The following SLC25A26 variants were observed in gnomAD, a reference collection of about 807,000 sequenced individuals.
SLC25A26 encodes the protein solute carrier family 25 member 26.
SLC25A26 carries 36 observed loss-of-function variants against 37.8 expected under a neutral mutation model. The ratio of observed to expected loss-of-function variants is 0.95; its 90% CI spans 0.73 to 1.26. SLC25A26 has a LOEUF of 1.26. Ranked by LOEUF, SLC25A26 falls within the 50% of genes most tolerant of loss-of-function variation. The pLI is 0.00. For missense variants in SLC25A26, 390 were observed against 331.1 expected, an observed-to-expected ratio of 1.18 and a Z score of -1.38; for synonymous variants, 129 against 122.5, an observed-to-expected ratio of 1.05 and a Z score of -0.35.
intron 5 of SLC25A26, among the ~76,000 whole-genome samples, chr3:66,286,664 C>A (rs748163633): frequency 4.1e-4 from 62 of 152,004 alleles, no homozygotes; most frequent in Non-Finnish European, 6.9e-4. Flanking sequence ...TGAGACCTTT[C>A]CCTTCGTTTT....
At chr3:66,323,204 G>A (rs1202601655) in intron 5 of SLC25A26, among the ~76,000 whole-genome samples, 4 of 152,134 alleles carry the variant, frequency 2.6e-5, no homozygotes. Context: ...AGGGGTGATG[G>A]AAGAGAGAGG....
chr3:66,202,478 T>C (rs931518484), intron 1 of SLC25A26, among the ~76,000 whole-genome samples: 4 of 146,598 alleles, frequency 2.7e-5, no homozygotes, highest in Non-Finnish European at 4.4e-5. Flanking sequence ...TGTGTATACC[T>C]ATGTAACAAA....
intron 1 of SLC25A26, among the ~76,000 whole-genome samples, chr3:66,135,059 G>A (rs910861701): frequency 6.6e-6 from 1 of 152,062 alleles, no homozygotes; most frequent in African/African-American, 2.4e-5. Flanking sequence ...TCGAACTCCT[G>A]ACCCCAGGTG....
At chr3:66,295,024 A>T (rs186373112) in intron 5 of SLC25A26, among the ~76,000 whole-genome samples, 83 of 152,322 alleles carry the variant, frequency 5.4e-4, no homozygotes, top group Admixed American at 1.6e-3. Context: ...ACGTATGCTG[A>T]ATCTCATAAA....
intron 1 of SLC25A26, among the ~76,000 whole-genome samples, chr3:66,215,122 AAAAC>A (rs1210967936): frequency 3.0e-4 from 46 of 152,324 alleles, no homozygotes; most frequent in African/African-American, 8.9e-4. Flanking sequence ...CTCTGTCTCA[AAAAC>A]AAACAAACAA....
intron 1 of SLC25A26, among the ~76,000 whole-genome samples, chr3:66,164,558 A>G (rs191800819): frequency 6.6e-6 from 1 of 152,230 alleles, no homozygotes; most frequent in Admixed American, 6.5e-5. Context: ...TTAAACCATT[A>G]AGGGCAAGTT....
chr3:66,210,481 C>A (rs2071269458), intron 1 of SLC25A26, among the ~76,000 whole-genome samples: 1 of 151,812 alleles, frequency 6.6e-6, no homozygotes, highest in Admixed American at 6.6e-5. Context: ...TTGGCATATG[C>A]AAATGTCCTG....
chr3:66,268,948 C>G (rs1221482711), intron 5 of SLC25A26, among the ~76,000 whole-genome samples: 1 of 152,224 alleles, frequency 6.6e-6, no homozygotes, highest in African/African-American at 2.4e-5. Flanking sequence ...CCCAGCCATG[C>G]AAACTGTGAG....
intron 1 of SLC25A26, among the ~76,000 whole-genome samples, chr3:66,185,798 C>G (rs989213306): frequency 6.6e-6 from 1 of 151,858 alleles, no homozygotes; most frequent in Non-Finnish European, 1.5e-5. Flanking sequence ...ACTCTCACCT[C>G]TCTTTGACCA....
In SLC25A26 at chr3:66,162,058, A is replaced by G. The variant is rs534422160; in HGVS notation, c.-354+28074A>G. 9.2e-5 allele frequency among the ~76,000 whole-genome samples: 14 copies of G among 152,268 alleles called. No homozygotes were observed. The South Asian group carries it at 2.7e-3, about 29-fold the overall frequency. The stretch of plus-strand genomic sequence containing the variant: ...GAAATTGATTTTCTCACAGTTCTGG[A>G]GCCTAGAAGTCGGAGATCAAGACAT... On this transcript the variant is annotated intron_variant, in intron 1 of 10. Transcript: ENST00000676754.
At chr3:66,233,943 C>G (rs1340039360) in intron 1 of SLC25A26, among the ~76,000 whole-genome samples, 2 of 152,146 alleles carry the variant, frequency 1.3e-5, no homozygotes, top group Non-Finnish European at 2.9e-5. Context: ...TAGCACTTCT[C>G]TGAATTCTCT....
intron 1 of SLC25A26, among the ~76,000 whole-genome samples, chr3:66,158,987 C>A (rs2070320875): frequency 6.6e-6 from 1 of 152,128 alleles, no homozygotes; most frequent in South Asian, 2.1e-4. Flanking sequence ...TGAGGGACAT[C>A]AGCACATCAG....
chr3:66,290,806 T>C (rs1024539373), intron 5 of SLC25A26, among the ~76,000 whole-genome samples: 9 of 152,232 alleles, frequency 5.9e-5, no homozygotes, highest in African/African-American at 2.2e-4. Flanking sequence ...CAGGTTTTGG[T>C]ATCAGGATGA....
upstream of SLC25A26, among the ~76,000 whole-genome samples, chr3:66,217,493 C>T (rs2071378916): frequency 6.6e-6 from 1 of 151,978 alleles, no homozygotes; most frequent in Non-Finnish European, 1.5e-5. Flanking sequence ...ATTTATTCCT[C>T]ATCATCCTGC....
In SLC25A26 at chr3:66,375,049, T is replaced by A. The variant is rs1700566891; in HGVS notation, c.708-2641T>A. Among the ~76,000 whole-genome samples, 3 of 152,298 alleles carry A rather than the reference T, an allele frequency of 2.0e-5. No individual in the cohort carries two copies. In the South Asian group the frequency reaches 6.2e-4, roughly 32 times the overall value. ...GAAATGAAAAGTGCTATCCAGTGAA[T>A]ACACAAATGATAAGTGTAACAGCCT... On this transcript the variant is annotated intron_variant, in intron 9 of 9. Coordinates refer to ENST00000354883, the MANE Select transcript of SLC25A26 (RefSeq NM_001379210.1).
chr3:66,197,314 A>G (rs984193051), intron 1 of SLC25A26, among the ~76,000 whole-genome samples: 4,792 of 152,266 alleles, frequency 0.031, 99 homozygotes, highest in Non-Finnish European at 0.048. Context: ...CATCAGGGAC[A>G]TAGTGACGGA....
intron 1 of SLC25A26, among the ~76,000 whole-genome samples, chr3:66,201,818 A>G (rs1240927777): frequency 6.6e-6 from 1 of 152,208 alleles, no homozygotes; most frequent in Non-Finnish European, 1.5e-5. Context: ...TTTTGCAACC[A>G]TAAGCACCAT....
intron 5 of SLC25A26, among the ~76,000 whole-genome samples, chr3:66,300,290 T>G (rs2075040487): frequency 6.9e-6 from 1 of 145,444 alleles, no homozygotes; most frequent in African/African-American, 2.5e-5. Flanking sequence ...ATACTGGAAT[T>G]TAGCCATTAC....
intron 1 of SLC25A26, among the ~76,000 whole-genome samples, chr3:66,153,295 C>T (rs2106695982): frequency 6.6e-6 from 1 of 152,288 alleles, no homozygotes; most frequent in East Asian, 1.9e-4. Context: ...AGGTTGAGAA[C>T]ACTTGATCTA....
Sources: gnomAD v4.1 joint callset for allele counts (sites outside exome capture counted in the v4.1 genomes callset) on GRCh38, gnomAD v4.1.1 for gene constraint, MANE v1.5 for transcripts, NCBI Gene and HGNC (gene_info 2026-07-23, HGNC 2026-07-21) for gene names.